OPCML: variants seen among roughly 807,000 people sequenced by gnomAD.
OPCML encodes the protein opioid-binding protein/cell adhesion molecule.
In OPCML, 13 loss-of-function variants were observed where a neutral mutation model predicts 37.8. The ratio of observed to expected loss-of-function variants is 0.34; its 90% CI spans 0.22 to 0.55. The LOEUF (loss-of-function observed/expected upper bound fraction) is 0.55. Among genes scored for constraint, OPCML ranks in the 20% least tolerant of loss-of-function variants. The pLI, the probability that OPCML is intolerant of heterozygous loss-of-function variation, is 0.91. For synonymous variants in OPCML, 176 were observed against 168.8 expected (o/e 1.04, Z -0.33); for missense variants, 341 against 435.6 (o/e 0.78, Z 1.93).
intron 2 of OPCML, among the ~76,000 whole-genome samples, chr11:132,703,072 G>A (rs1005389414): frequency 6.6e-6 from 1 of 151,986 alleles, no homozygotes; most frequent in African/African-American, 2.4e-5. Flanking sequence ...ATTAGGCTAG[G>A]TTACACTCCT....
chr11:132,950,858 A>C (rs1945841741), intron 1 of OPCML, among the ~76,000 whole-genome samples: 1 of 152,174 alleles, frequency 6.6e-6, no homozygotes, highest in Non-Finnish European at 1.5e-5. Context: ...AGTAGTCTCT[A>C]ACATTGTTTG....
chr11:133,088,668 T>C (rs1421210522), intron 1 of OPCML, among the ~76,000 whole-genome samples: 1 of 152,184 alleles, frequency 6.6e-6, no homozygotes, highest in Non-Finnish European at 1.5e-5. Flanking sequence ...CATGGATAAA[T>C]AACTTTCTGC....
intron 2 of OPCML, among the ~76,000 whole-genome samples, chr11:132,905,391 C>G (rs1436973104): frequency 6.6e-6 from 1 of 151,902 alleles, no homozygotes; most frequent in African/African-American, 2.4e-5. Context: ...GCCACCACGT[C>G]CGGCTAATTT....
intron 1 of OPCML, among the ~76,000 whole-genome samples, chr11:133,124,628 G>C (rs1020146163): frequency 1.3e-5 from 2 of 152,050 alleles, no homozygotes; most frequent in Non-Finnish European, 2.9e-5. Flanking sequence ...AGACAGTATG[G>C]GGGCATTGAG....
At chr11:132,650,190 A>G (rs1456397709) in intron 3 of OPCML, among the ~76,000 whole-genome samples, 1 of 152,238 alleles carries the variant, frequency 6.6e-6, no homozygotes, top group African/African-American at 2.4e-5. Flanking sequence ...AGTCACCCCT[A>G]ACTAGCAGTG....
At chr11:132,442,993 G>A (rs1565566571) in intron 4 of OPCML, among the ~76,000 whole-genome samples, 1 of 152,126 alleles carries the variant, frequency 6.6e-6, no homozygotes, top group Non-Finnish European at 1.5e-5. Flanking sequence ...AAAAAAACTT[G>A]GTGTTGAGGC....
At chr11:133,347,667 C>T (rs1039641304) in intron 1 of OPCML, among the ~76,000 whole-genome samples, 1 of 152,180 alleles carries the variant, frequency 6.6e-6, no homozygotes, top group East Asian at 1.9e-4. Context: ...TTGGACATAG[C>T]AGCATGCTAT....
intron 1 of OPCML, among the ~76,000 whole-genome samples, chr11:133,261,993 G>A (rs1160562845): frequency 6.6e-6 from 1 of 152,100 alleles, no homozygotes; most frequent in African/African-American, 2.4e-5. Context: ...TGCCGTGGGT[G>A]GCTCCAGCTA....
intron 3 of OPCML, among the ~76,000 whole-genome samples, chr11:132,539,950 GTGATGATGA>G (rs543337879): frequency 6.6e-6 from 1 of 151,836 alleles, no homozygotes; most frequent in Non-Finnish European, 1.5e-5. Context: ...GATTGTGGTA[GTGATGATGA>G]TGATGATGAT....
intron 1 of OPCML, among the ~76,000 whole-genome samples, chr11:133,392,884 A>G (rs1945202616): frequency 1.3e-5 from 2 of 152,196 alleles, no homozygotes; most frequent in Non-Finnish European, 2.9e-5. Context: ...TATTCATGGT[A>G]TGTCACCTTA....
At chr11:132,720,822 T>G (rs1944651093) in intron 2 of OPCML, among the ~76,000 whole-genome samples, 1 of 151,508 alleles carries the variant, frequency 6.6e-6, no homozygotes, top group South Asian at 2.1e-4. Context: ...CATAATAATA[T>G]TATTACCTTG....
intron 4 of OPCML, among the ~76,000 whole-genome samples, chr11:132,468,308 T>C (rs1185604389): frequency 6.6e-6 from 1 of 152,210 alleles, no homozygotes; most frequent in Admixed American, 6.5e-5. Flanking sequence ...TATAAAAGCA[T>C]GCACACTTTC....
chr11:132,987,696 G>T (rs1028696665), intron 1 of OPCML, among the ~76,000 whole-genome samples: 1 of 152,118 alleles, frequency 6.6e-6, no homozygotes, highest in Non-Finnish European at 1.5e-5. Context: ...TGGATATGGA[G>T]AGAAATGAAT....
chr11:133,232,998 T>C (rs1405067781), intron 1 of OPCML, among the ~76,000 whole-genome samples: 5 of 152,202 alleles, frequency 3.3e-5, no homozygotes, highest in African/African-American at 4.8e-5. Flanking sequence ...TCCACTGTCA[T>C]GGAACTGGGT....
At chr11:132,449,195 C>A (rs1166697480) in intron 4 of OPCML, among the ~76,000 whole-genome samples, 1 of 152,200 alleles carries the variant, frequency 6.6e-6, no homozygotes, top group Non-Finnish European at 1.5e-5. Context: ...TGTGCTTTAG[C>A]TGCTTGGTGA....
At chr11:133,258,401 G>A in intron 1 of OPCML, among the ~76,000 whole-genome samples, 1 of 152,158 alleles carries the variant, frequency 6.6e-6, no homozygotes, top group East Asian at 1.9e-4. Flanking sequence ...AGAATGGGTG[G>A]CAGGGCATAG....
At chr11:133,259,871 A>G (rs1941436125) in intron 1 of OPCML, among the ~76,000 whole-genome samples, 2 of 152,306 alleles carry the variant, frequency 1.3e-5, no homozygotes, top group South Asian at 4.1e-4. Context: ...ATGTCTAGGC[A>G]CTACTCTCAG....
At chr11:132,588,337 C>T (rs2096477469) in intron 3 of OPCML, among the ~76,000 whole-genome samples, 1 of 152,150 alleles carries the variant, frequency 6.6e-6, no homozygotes, top group Admixed American at 6.5e-5. Context: ...TCTTGGTCAA[C>T]CCACAAGGCC....
intron 2 of OPCML, among the ~76,000 whole-genome samples, chr11:132,748,479 C>T (rs1160963927): frequency 6.6e-6 from 1 of 152,252 alleles, no homozygotes; most frequent in African/African-American, 2.4e-5. Context: ...CCAAATAGAA[C>T]CACGTTGATG....
Sources: allele counts gnomAD v4.1 joint callset (sites outside exome capture counted in the v4.1 genomes callset), GRCh38; gene constraint gnomAD v4.1.1; transcripts MANE v1.5; gene names NCBI Gene and HGNC (gene_info 2026-07-23, HGNC 2026-07-21).